RARB: variants seen among roughly 807,000 people sequenced by gnomAD.
The protein encoded by RARB is retinoic acid receptor beta.
A neutral mutation model predicts 51.9 loss-of-function variants in RARB; 17 were observed. The observed-to-expected ratio is 0.33, with a 90% confidence interval of 0.22 to 0.49. The LOEUF is 0.49. Ranked by LOEUF, RARB falls within the 20% of genes least tolerant of loss-of-function variation. The probability of loss-of-function intolerance (pLI) is 0.99; values close to 1 mark genes in which losing one functional copy is unlikely to be tolerated. For missense variants in RARB, 369 were observed against 550.8 expected, an observed-to-expected ratio of 0.67 and a Z score of 3.30; for synonymous variants, 215 against 195.4, an observed-to-expected ratio of 1.10 and a Z score of -0.84.
chr3:25,281,089 C>G (rs369140548), intron 5 of RARB, among the ~76,000 whole-genome samples: 1 of 152,140 alleles, frequency 6.6e-6, no homozygotes, highest in African/African-American at 2.4e-5. Flanking sequence ...AAAATGAATC[C>G]TCACTACAGA....
intron 3 of RARB, among the ~76,000 whole-genome samples, chr3:25,502,659 G>A (rs1043929739): frequency 6.6e-6 from 1 of 152,156 alleles, no homozygotes; most frequent in Admixed American, 6.5e-5. Flanking sequence ...GCGTGAACAT[G>A]TAACCTAGGC....
intron 2 of RARB, among the ~76,000 whole-genome samples, chr3:25,047,854 C>G (rs1265836721): frequency 2.0e-5 from 3 of 152,108 alleles, no homozygotes; most frequent in African/African-American, 7.2e-5. Flanking sequence ...GTGTCCCCAC[C>G]CAAATCTCAC....
intron 3 of RARB, among the ~76,000 whole-genome samples, chr3:25,064,552 C>A (rs1021745345): frequency 2.0e-5 from 3 of 151,904 alleles, no homozygotes; most frequent in East Asian, 3.9e-4. Context: ...GCTAATTATT[C>A]CAAAAGAGTG....
At chr3:25,121,007 A>G (rs2125329233) in intron 3 of RARB, among the ~76,000 whole-genome samples, 1 of 152,338 alleles carries the variant, frequency 6.6e-6, no homozygotes, top group Middle Eastern at 3.4e-3. Context: ...TGATTTAAAT[A>G]AACATAACCC....
chr3:25,203,550 G>C (rs1411582903), intron 5 of RARB, among the ~76,000 whole-genome samples: 2 of 152,196 alleles, frequency 1.3e-5, no homozygotes, highest in Non-Finnish European at 2.9e-5. Context: ...AATTCGGCAT[G>C]TTTTTGCAGT....
intron 2 of RARB, among the ~76,000 whole-genome samples, chr3:25,470,824 A>G (rs189231116): frequency 1.3e-5 from 2 of 151,356 alleles, no homozygotes; most frequent in Admixed American, 6.7e-5. Flanking sequence ...CATTATTACC[A>G]AGTCATTATT....
intron 2 of RARB, among the ~76,000 whole-genome samples, chr3:24,891,155 C>T (rs1031553083): frequency 6.6e-6 from 1 of 152,168 alleles, no homozygotes; most frequent in Admixed American, 6.5e-5. Context: ...CTACCAAGAA[C>T]TATAAATTTT....
At chr3:25,003,804 A>G (rs1391728935) in intron 2 of RARB, among the ~76,000 whole-genome samples, 1 of 152,132 alleles carries the variant, frequency 6.6e-6, no homozygotes, top group Non-Finnish European at 1.5e-5. Context: ...AGGTCACAGA[A>G]AAGGCTCATG....
intron 5 of RARB, among the ~76,000 whole-genome samples, chr3:25,379,237 T>C (rs1184713466): frequency 6.6e-6 from 1 of 152,154 alleles, no homozygotes; most frequent in Non-Finnish European, 1.5e-5. Flanking sequence ...CAGAGCATAC[T>C]AGGGCATGGA....
At chr3:25,352,733 C>T (rs1202014185) in intron 5 of RARB, among the ~76,000 whole-genome samples, 1 of 152,188 alleles carries the variant, frequency 6.6e-6, no homozygotes, top group African/African-American at 2.4e-5. Context: ...TGCAAACCTT[C>T]TCTTCCATTA....
intron 5 of RARB, among the ~76,000 whole-genome samples, chr3:25,194,808 AT>A (rs1187476366): frequency 2.0e-5 from 3 of 151,912 alleles, no homozygotes; most frequent in Non-Finnish European, 4.4e-5. Flanking sequence ...AATTTTGTTA[AT>A]TTCTGTGAAC....
intron 2 of RARB, among the ~76,000 whole-genome samples, chr3:24,934,609 T>C (rs1695512025): frequency 6.6e-6 from 1 of 152,128 alleles, no homozygotes; most frequent in Non-Finnish European, 1.5e-5. Context: ...TTCACACTGC[T>C]TATACTGTAG....
intron 3 of RARB, among the ~76,000 whole-genome samples, chr3:25,545,975 T>A (rs77703228): frequency 0.052 from 7,858 of 152,170 alleles, 213 homozygotes; most frequent in Non-Finnish European, 0.062. Flanking sequence ...AGGAAGGCCT[T>A]ATGAGAAGGT....
intron 5 of RARB, among the ~76,000 whole-genome samples, chr3:25,363,008 T>C (rs1705998749): frequency 6.6e-6 from 1 of 152,134 alleles, no homozygotes; most frequent in Non-Finnish European, 1.5e-5. Flanking sequence ...TTACAGGTCC[T>C]GGCAATTGAA....
intron 4 of RARB, among the ~76,000 whole-genome samples, chr3:25,155,093 T>TC (rs1700352755): frequency 2.0e-5 from 3 of 152,244 alleles, no homozygotes; most frequent in Admixed American, 2.0e-4. Context: ...TTAGATTTTA[T>TC]CACTATTCTC....
At chr3:24,979,011 C>T (rs989060459) in intron 2 of RARB, among the ~76,000 whole-genome samples, 1 of 151,910 alleles carries the variant, frequency 6.6e-6, no homozygotes, top group African/African-American at 2.4e-5. Context: ...CATTATTTAC[C>T]CAGTAGTCAT....
intron 1 of RARB, among the ~76,000 whole-genome samples, chr3:25,438,391 C>T (rs1019827164): frequency 2.6e-5 from 4 of 152,082 alleles, no homozygotes; most frequent in African/African-American, 9.7e-5. Flanking sequence ...CCATAACAAT[C>T]GTAGCGTATA....
intron 5 of RARB, among the ~76,000 whole-genome samples, chr3:25,274,527 T>C (rs372426527): frequency 1.3e-5 from 2 of 152,274 alleles, no homozygotes; most frequent in East Asian, 3.9e-4. Context: ...GGAAAACTAG[T>C]ACAAATTTCT....
At chr3:25,108,045 T>C (rs938622709) in intron 3 of RARB, among the ~76,000 whole-genome samples, 2 of 152,178 alleles carry the variant, frequency 1.3e-5, no homozygotes, top group East Asian at 1.9e-4. Flanking sequence ...TAACAGTAGA[T>C]CTGATCACCG....
Sources: allele counts gnomAD v4.1 joint callset (sites outside exome capture counted in the v4.1 genomes callset), GRCh38; gene constraint gnomAD v4.1.1; transcripts MANE v1.5; gene names NCBI Gene and HGNC (gene_info 2026-07-23, HGNC 2026-07-21).